DSCAM: variants seen among roughly 807,000 people sequenced by gnomAD.
DSCAM encodes cell adhesion molecule DSCAM.
In DSCAM, 47 loss-of-function variants were observed where a neutral mutation model predicts 217.7. The observed-to-expected ratio is 0.22, with a 90% confidence interval of 0.17 to 0.28. DSCAM has a LOEUF of 0.28. Ranked by LOEUF, DSCAM falls within the 10% of genes least tolerant of loss-of-function variation. The pLI is 1.00. For synonymous variants in DSCAM, 1,056 were observed against 1,015.3 expected, an observed-to-expected ratio of 1.04 and a Z score of -0.76; for missense variants, 2,080 against 2,618.3, an observed-to-expected ratio of 0.79 and a Z score of 4.49.
chr21:40,307,203 C>T (rs2074087602), intron 9 of DSCAM, among the ~76,000 whole-genome samples: 1 of 151,326 alleles, frequency 6.6e-6, no homozygotes, highest in African/African-American at 2.4e-5. Context: ...GGGCTAATAT[C>T]CAGAATCTAC....
rs1568896116 is a variant in DSCAM at position 40,026,230 on chromosome 21, T to G, written c.5687-12844A>C. ...GATCTAGTTTGATTGACCTGTGGTCTGAGAGACAGTTTGTTATAATTTCTG... is the reference window on the plus strand; with the variant it reads ...GATCTAGTTTGATTGACCTGTGGTCGGAGAGACAGTTTGTTATAATTTCTG... On this transcript the variant is annotated intron_variant, in intron 32 of 32. Transcript: ENST00000400454. Among the ~76,000 whole-genome samples the G allele has an allele frequency of 4.9e-5, 7 of 141,518 alleles. 1 individual carries two copies. 92.8% of individuals were successfully genotyped at this position (141,518 alleles called of 152,430 possible).
At chr21:40,497,020 G>A (rs1465081023) in intron 3 of DSCAM, among the ~76,000 whole-genome samples, 1 of 152,110 alleles carries the variant, frequency 6.6e-6, no homozygotes, top group Non-Finnish European at 1.5e-5. Flanking sequence ...GTATCAAAGA[G>A]AACCCTAGTA....
chr21:40,215,535 T>A (rs895686071), intron 11 of DSCAM, among the ~76,000 whole-genome samples: 18 of 152,114 alleles, frequency 1.2e-4, no homozygotes, highest in Non-Finnish European at 2.9e-5. Context: ...GCCGTTATTC[T>A]AAGTGAAGTA....
In DSCAM at chr21:40,477,838, G is replaced by A. The variant is rs1250342855; in HGVS notation, c.509-108593C>T. Among the ~76,000 whole-genome samples the A allele has an allele frequency of 2.7e-5, 4 of 149,482 alleles. No individual in the cohort carries two copies. The East Asian group carries it at 7.7e-4, about 29-fold the overall frequency. On this transcript the variant is annotated intron_variant, in intron 3 of 32. Coordinates refer to ENST00000400454, the MANE Select transcript of DSCAM (RefSeq NM_001389.5). ...ATTTTCTCCACTGACATTTTTTTCT[G>A]TCTTTTTAAAAAACTTGTCAGTAAA...
intron 3 of DSCAM, among the ~76,000 whole-genome samples, chr21:40,657,645 A>C (rs1054576348): frequency 2.0e-5 from 3 of 152,216 alleles, no homozygotes; most frequent in Non-Finnish European, 4.4e-5. Context: ...TGACAGGCAG[A>C]AAGAAATCTT....
intron 10 of DSCAM, among the ~76,000 whole-genome samples, chr21:40,286,708 T>C (rs2073828826): frequency 6.6e-6 from 1 of 152,008 alleles, no homozygotes; most frequent in South Asian, 2.1e-4. Context: ...TGATCTGCAG[T>C]GTCATCTGCA....
intron 2 of DSCAM, among the ~76,000 whole-genome samples, chr21:40,698,527 C>T (rs1263728554): frequency 1.3e-5 from 2 of 152,164 alleles, no homozygotes; most frequent in Non-Finnish European, 2.9e-5. Flanking sequence ...ATTACCTGCT[C>T]TACCTGCCCT....
chr21:40,112,473 T>C (rs549649898), intron 20 of DSCAM, among the ~76,000 whole-genome samples: 7 of 151,986 alleles, frequency 4.6e-5, no homozygotes, highest in East Asian at 1.9e-4. Flanking sequence ...AGGAAAGATC[T>C]AAAATTGACA....
At chr21:40,128,427 G>A (rs2090118802) in intron 19 of DSCAM, among the ~76,000 whole-genome samples, 1 of 152,012 alleles carries the variant, frequency 6.6e-6, no homozygotes, top group Admixed American at 6.6e-5. Context: ...GTGCCATGTG[G>A]CAAAGGTGAA....
At chr21:40,643,844 C>T (rs2089911842) in intron 3 of DSCAM, among the ~76,000 whole-genome samples, 1 of 152,188 alleles carries the variant, frequency 6.6e-6, no homozygotes, top group African/African-American at 2.4e-5. Context: ...GCCAAACTTG[C>T]CAACACTTAG....
At chr21:40,485,579 C>A (rs2076021453) in intron 3 of DSCAM, among the ~76,000 whole-genome samples, 1 of 152,056 alleles carries the variant, frequency 6.6e-6, no homozygotes. Context: ...GGAACTAATA[C>A]AGAAGGCTAA....
intron 18 of DSCAM, among the ~76,000 whole-genome samples, chr21:40,138,548 A>C (rs1384736382): frequency 3.5e-5 from 4 of 115,596 alleles, no homozygotes; most frequent in Non-Finnish European, 7.0e-5. Flanking sequence ...GGGTTTGTGT[A>C]TGTGTGGTGT....
At chr21:40,084,124 G>T in intron 23 of DSCAM, 118 bp from the exon 24 acceptor site, 1 of 723,708 alleles carries the variant, frequency 1.4e-6, no homozygotes, top group Non-Finnish European at 2.2e-6. Context: ...GTTTCAGTTT[G>T]CCAAAATATA....
chr21:40,263,393 C>T (rs930289665), intron 11 of DSCAM, among the ~76,000 whole-genome samples: 1 of 152,136 alleles, frequency 6.6e-6, no homozygotes, highest in African/African-American at 2.4e-5. Context: ...AACCAGAAAT[C>T]AATTCCAAAA....
intron 3 of DSCAM, among the ~76,000 whole-genome samples, chr21:40,543,304 T>A (rs1409047737): frequency 6.6e-6 from 1 of 152,112 alleles, no homozygotes; most frequent in Non-Finnish European, 1.5e-5. Flanking sequence ...ATTCCAGCAA[T>A]CAATTATAGG....
intron 11 of DSCAM, among the ~76,000 whole-genome samples, chr21:40,245,000 GA>G (rs2073203804): frequency 6.6e-6 from 1 of 150,426 alleles, no homozygotes; most frequent in Admixed American, 6.6e-5. Flanking sequence ...AAAATCGAGG[GA>G]GGGAGGGAGG....
intron 3 of DSCAM, among the ~76,000 whole-genome samples, chr21:40,661,989 A>G (rs1052334574): frequency 3.9e-5 from 6 of 152,244 alleles, no homozygotes; most frequent in African/African-American, 1.4e-4. Flanking sequence ...TATTTTTTTC[A>G]AAGTACTTAT....
chr21:40,782,001 A>AAAAC (rs2091549895), intron 1 of DSCAM, among the ~76,000 whole-genome samples: 1 of 149,310 alleles, frequency 6.7e-6, no homozygotes, highest in Admixed American at 6.6e-5. Context: ...ACAAAAAAAA[A>AAAAC]AAAAAAAAAG....
intron 8 of DSCAM, among the ~76,000 whole-genome samples, 162 bp from the exon 9 acceptor site, chr21:40,312,521 T>G (rs566938834): frequency 7.2e-5 from 11 of 152,372 alleles, no homozygotes; most frequent in African/African-American, 2.6e-4. Context: ...ATTATTTGAA[T>G]GTTCTCATCA....
Sources: allele counts gnomAD v4.1 joint callset (sites outside exome capture counted in the v4.1 genomes callset), GRCh38; gene constraint gnomAD v4.1.1; transcripts MANE v1.5; gene names NCBI Gene and HGNC (gene_info 2026-07-23, HGNC 2026-07-21).